ZNF385D: variants seen among roughly 807,000 people sequenced by gnomAD.
ZNF385D encodes the protein zinc finger protein 385D.
Under a neutral mutation model 35.8 loss-of-function variants are expected in ZNF385D, and 15 were observed. The observed-to-expected ratio is 0.42, with a 90% CI of 0.28 to 0.64. The LOEUF (loss-of-function observed/expected upper bound fraction) is 0.64. Ranked by LOEUF, ZNF385D falls within the 30% of genes least tolerant of loss-of-function variation. The pLI is 0.23. For missense variants in ZNF385D, 474 were observed against 494.6 expected (o/e 0.96, Z 0.39); for synonymous variants, 212 against 186.8 (o/e 1.13, Z -1.10).
At chr3:22,269,511 T>C (rs1465748030) in intron 2 of ZNF385D, among the ~76,000 whole-genome samples, 1 of 151,928 alleles carries the variant, frequency 6.6e-6, no homozygotes, top group African/African-American at 2.4e-5. Context: ...TCTGATGACT[T>C]TGGCATGACT....
chr3:22,148,527 G>T (rs552614387), intron 3 of ZNF385D, among the ~76,000 whole-genome samples: 35 of 152,316 alleles, frequency 2.3e-4, no homozygotes, highest in African/African-American at 7.7e-4. Context: ...TGGCATCCAT[G>T]TGGCTACAAA....
At chr3:22,346,195 A>G (rs1695651838) in intron 2 of ZNF385D, among the ~76,000 whole-genome samples, 1 of 152,188 alleles carries the variant, frequency 6.6e-6, no homozygotes, top group Non-Finnish European at 1.5e-5. Flanking sequence ...GACTTAATTT[A>G]TAAGCCAGGC....
At chr3:21,717,557 T>C (rs1219244372) in intron 1 of ZNF385D, among the ~76,000 whole-genome samples, 1 of 152,204 alleles carries the variant, frequency 6.6e-6, no homozygotes, top group Non-Finnish European at 1.5e-5. Flanking sequence ...TGACTTGATA[T>C]AGTTTCACTG....
Position 21,412,401 on chromosome 3 carries a change from A to C in ZNF385D, c.*8813T>G, listed in dbSNP as rs1279695804. On this transcript the variant is annotated 3_prime_UTR_variant, in exon 8 of 8. Transcript: ENST00000281523. Reference sequence around the variant, plus strand: ...TACAAACAAGTGGAATAGAACATAGAGAATACATAATTTGTTCTAATATTC... The same window carrying C: ...TACAAACAAGTGGAATAGAACATAGCGAATACATAATTTGTTCTAATATTC... The C allele has an allele frequency of 6.6e-6, 1 of 152,034 alleles. No homozygotes were observed. The highest frequency in any genetic ancestry group is 1.9e-4 in the East Asian group (1 of 5,180). 9.4% of individuals were successfully genotyped at this position (152,034 alleles called of 1,614,324 possible).
At chr3:21,715,368 C>T (rs1395101647) in intron 1 of ZNF385D, among the ~76,000 whole-genome samples, 8 of 152,024 alleles carry the variant, frequency 5.3e-5, no homozygotes, top group African/African-American at 1.7e-4. Context: ...CTGTGTCTGC[C>T]TAGTTTCACT....
At chr3:21,551,963 C>A (rs2062581432) in intron 3 of ZNF385D, among the ~76,000 whole-genome samples, 1 of 151,958 alleles carries the variant, frequency 6.6e-6, no homozygotes, top group African/African-American at 2.4e-5. Flanking sequence ...TTTCATGATA[C>A]AAAGATGAAA....
chr3:22,011,159 T>C (rs1696547011), intron 3 of ZNF385D, among the ~76,000 whole-genome samples: 1 of 152,152 alleles, frequency 6.6e-6, no homozygotes, highest in Non-Finnish European at 1.5e-5. Flanking sequence ...CAGTAATTTA[T>C]GAGAAAATTC....
At chr3:21,551,273 C>T (rs1016000268) in intron 3 of ZNF385D, among the ~76,000 whole-genome samples, 2 of 152,138 alleles carry the variant, frequency 1.3e-5, no homozygotes, top group Admixed American at 6.6e-5. Context: ...ACTTGCTGCC[C>T]TCCCGTGACC....
intron 2 of ZNF385D, among the ~76,000 whole-genome samples, chr3:22,274,719 TA>T (rs1472127335): frequency 1.3e-5 from 2 of 151,840 alleles, no homozygotes; most frequent in Non-Finnish European, 2.9e-5. Flanking sequence ...GCACTTAAGA[TA>T]ATCTTTTCTA....
rs1263716043 is a variant in ZNF385D, at chr3:21,416,143, G to T, written c.*5071C>A. On this transcript the variant is annotated 3_prime_UTR_variant, in exon 8 of 8. Transcript: ENST00000281523. Reference sequence around the variant, plus strand: ...CTTCCCGGGTTCACGCCATTCTCCTGCCTCAGCCTCCCGAGTAGCTGGGAC... The same window carrying T: ...CTTCCCGGGTTCACGCCATTCTCCTTCCTCAGCCTCCCGAGTAGCTGGGAC... 5.5e-5 allele frequency: 2 copies of T among 36,522 alleles called. 1 individual carries two copies. Among genetic ancestry groups the T allele is most frequent in the Admixed American group, 4.5e-4 (2 of 4,400 alleles). The allele number at this position is 36,522 out of a possible 1,614,324, so 2.3% of individuals were successfully genotyped here.
At chr3:21,969,592 A>T (rs1156520306) in intron 3 of ZNF385D, among the ~76,000 whole-genome samples, 1 of 152,176 alleles carries the variant, frequency 6.6e-6, no homozygotes, top group African/African-American at 2.4e-5. Context: ...CTGGTCCTGG[A>T]TGACATCTTT....
intron 4 of ZNF385D, among the ~76,000 whole-genome samples, chr3:21,459,708 T>A (rs900588031): frequency 3.3e-5 from 5 of 152,184 alleles, no homozygotes; most frequent in African/African-American, 1.2e-4. Flanking sequence ...AACTATCTTA[T>A]CTTGTACTTG....
intron 2 of ZNF385D, among the ~76,000 whole-genome samples, chr3:22,352,765 T>C (rs1231731153): frequency 6.6e-6 from 1 of 152,198 alleles, no homozygotes; most frequent in South Asian, 2.1e-4. Context: ...TACATAGTTC[T>C]CCACAAACAA....
At chr3:22,253,800 A>G (rs974692390) in intron 2 of ZNF385D, among the ~76,000 whole-genome samples, 7 of 151,250 alleles carry the variant, frequency 4.6e-5, no homozygotes, top group Non-Finnish European at 1.5e-5. Context: ...GTACAAGAGT[A>G]GCCAAACATT....
intron 1 of ZNF385D, among the ~76,000 whole-genome samples, chr3:21,713,268 A>G (rs2068184671): frequency 6.6e-6 from 1 of 152,222 alleles, no homozygotes; most frequent in South Asian, 2.1e-4. Context: ...AAGACTGCCC[A>G]TCTGCAGACC....
chr3:22,325,128 A>C (rs1694618506), intron 2 of ZNF385D, among the ~76,000 whole-genome samples: 1 of 152,226 alleles, frequency 6.6e-6, no homozygotes, highest in African/African-American at 2.4e-5. Context: ...TACCACAATA[A>C]ATACTACTAC....
chr3:21,852,959 TC>T (rs766641984), intron 3 of ZNF385D, among the ~76,000 whole-genome samples: 49 of 152,032 alleles, frequency 3.2e-4, no homozygotes, highest in South Asian at 8.3e-4. Flanking sequence ...AGTTTCAATT[TC>T]TTCCACTTGT....
intron 1 of ZNF385D, among the ~76,000 whole-genome samples, chr3:21,681,698 G>GAAAAAAAAAAAAA (rs5847124): frequency 7.5e-6 from 1 of 133,202 alleles, no homozygotes; most frequent in Admixed American, 7.5e-5. Context: ...AAAAAAAAAC[G>GAAAAAAAAAAAAA]AAAAAAAAAA....
intron 1 of ZNF385D, among the ~76,000 whole-genome samples, chr3:21,683,480 C>T (rs564156152): frequency 1.1e-4 from 16 of 149,346 alleles, no homozygotes; most frequent in African/African-American, 3.9e-4. Flanking sequence ...TAGCTGGTCA[C>T]GGTGTTGTGC....
Sources: allele counts gnomAD v4.1 joint callset (sites outside exome capture counted in the v4.1 genomes callset), GRCh38; gene constraint gnomAD v4.1.1; transcripts MANE v1.5; gene names NCBI Gene and HGNC (gene_info 2026-07-23, HGNC 2026-07-21).